The following PCDHGB7 variants were observed in gnomAD, a reference collection of about 807,000 sequenced individuals.
PCDHGB7 encodes protocadherin gamma subfamily B, 7, also known as protocadherin gamma-B7.
A neutral mutation model predicts 61.4 loss-of-function variants in PCDHGB7; 37 were observed. The observed-to-expected ratio is 0.60, with a 90% CI of 0.46 to 0.79. PCDHGB7 has a LOEUF of 0.79. PCDHGB7 is among the 30% of genes least tolerant of loss of function. PCDHGB7 has a pLI of 0.00. For missense variants in PCDHGB7, 1,166 were observed against 1,202.5 expected (o/e 0.97, Z 0.45); for synonymous variants, 464 against 503.5 (o/e 0.92, Z 1.05).
Position 141,431,858 on chromosome 5 carries a change from G to A in PCDHGB7, c.2415+11584G>A, listed in dbSNP as rs1421209596. The A allele has an allele frequency of 1.1e-5, 17 of 1,614,198 alleles. No individual in the cohort carries two copies. Among genetic ancestry groups the A allele is most frequent in the Non-Finnish European group, 1.4e-5 (17 of 1,180,020 alleles). On this transcript the variant is annotated intron_variant, in intron 1 of 3. Coordinates refer to ENST00000398594, the MANE Select transcript of PCDHGB7 (RefSeq NM_018927.4). The surrounding 1 kb of genome is among the most constrained non-coding windows in gnomAD (Gnocchi z 4.8). ...AAACTCTCCCAGAGGGACATTAATTGCCCTTTTAAATGTAAATGACCAAGA... is the reference window on the plus strand; with the variant it reads ...AAACTCTCCCAGAGGGACATTAATTACCCTTTTAAATGTAAATGACCAAGA...
intron 1 of PCDHGB7, chr5:141,441,650 G>C (rs932742795): frequency 8.4e-6 from 2 of 238,510 alleles, no homozygotes; most frequent in African/African-American, 2.4e-5. Context: ...TGTGATTCTA[G>C]GTGTCCTTGA....
Position 141,432,562 on chromosome 5 carries a change from C to G in PCDHGB7, c.2415+12288C>G. On this transcript the variant is annotated intron_variant, in intron 1 of 3. Coordinates refer to ENST00000398594, the MANE Select transcript of PCDHGB7 (RefSeq NM_018927.4). The surrounding 1 kb of genome is among the most constrained non-coding windows in gnomAD (Gnocchi z 6.0). ...CGGTGGACAGAGACTCCGGCCAGAA[C>G]GCCTGGCTGTCCTACCGTCTGCTCA... 1 of 1,613,964 alleles carries G rather than the reference C, an allele frequency of 6.2e-7. No homozygotes were observed. Among genetic ancestry groups the G allele is most frequent in the Non-Finnish European group, 8.5e-7 (1 of 1,180,004 alleles).
intron 1 of PCDHGB7, chr5:141,430,781 C>A: frequency 6.6e-7 from 1 of 1,510,922 alleles, no homozygotes; most frequent in Non-Finnish European, 8.8e-7. Context: ...GCGACTGCAC[C>A]GGGACTACAA....
At position 141,487,385 on chromosome 5, in the gene PCDHGB7, CGAA is replaced by C; in HGVS notation, c.2416-7420_2416-7418del. 6.2e-7 allele frequency: 1 copy of C among 1,614,160 alleles called. No individual in the cohort carries two copies. The highest frequency in any genetic ancestry group is 8.5e-7 in the Non-Finnish European group (1 of 1,180,046). On this transcript the variant is annotated intron_variant, in intron 1 of 3. Coordinates refer to ENST00000398594, the MANE Select transcript of PCDHGB7 (RefSeq NM_018927.4). The surrounding 1 kb of genome is among the most constrained non-coding windows in gnomAD (Gnocchi z 5.0). ...CACCTGTGCCTGTCTCACCAGATCTCGAAGGAGGGAGGGGCTTCCCCCTTCCAA... is the reference window on the plus strand; with the variant it reads ...CACCTGTGCCTGTCTCACCAGATCTCGGAGGGAGGGGCTTCCCCCTTCCAA...
At chr5:141,434,843 G>C (rs1302739038) in intron 1 of PCDHGB7, among the ~76,000 whole-genome samples, 2 of 151,746 alleles carry the variant, frequency 1.3e-5, no homozygotes, top group African/African-American at 4.8e-5. Flanking sequence ...TTATAAAGCA[G>C]ACATCAATAA....
chr5:141,444,920 G>A (rs2098451595), intron 1 of PCDHGB7, among the ~76,000 whole-genome samples: 1 of 152,110 alleles, frequency 6.6e-6, no homozygotes, highest in Non-Finnish European at 1.5e-5. Context: ...ACCTTTATCA[G>A]GGAAAGAGGG....
At chr5:141,443,090 C>T (rs1403922939) in intron 1 of PCDHGB7, among the ~76,000 whole-genome samples, 3 of 151,926 alleles carry the variant, frequency 2.0e-5, no homozygotes, top group Non-Finnish European at 2.9e-5. Context: ...TTCCAGTCTC[C>T]TTCTCAAGCT....
At chr5:141,456,051 C>T (rs1592410743) in intron 1 of PCDHGB7, among the ~76,000 whole-genome samples, 1 of 151,998 alleles carries the variant, frequency 6.6e-6, no homozygotes, top group Non-Finnish European at 1.5e-5. Context: ...GCGCCCACCA[C>T]CACGTCCGGC....
In PCDHGB7 at chr5:141,463,735, C is replaced by T. The variant is rs1411988885; in HGVS notation, c.2416-31072C>T. On this transcript the variant is annotated intron_variant, in intron 1 of 3. Coordinates refer to ENST00000398594, the MANE Select transcript of PCDHGB7 (RefSeq NM_018927.4). ...TGCTGGGATTACAGGCATGAGCCAC[C>T]GCGCCCGGCCTGCTTCTCTTCTCTT... 3.3e-5 allele frequency among the ~76,000 whole-genome samples: 5 copies of T among 152,100 alleles called. No individual in the cohort carries two copies. The East Asian group carries it at 7.8e-4, about 24-fold the overall frequency.
chr5:141,451,716 T>C (rs947058540), intron 1 of PCDHGB7, among the ~76,000 whole-genome samples: 1 of 152,092 alleles, frequency 6.6e-6, no homozygotes, highest in Non-Finnish European at 1.5e-5. Context: ...ACCCTGCCTC[T>C]ACTAAAAATA....
intron 1 of PCDHGB7, among the ~76,000 whole-genome samples, chr5:141,457,029 C>G (rs2098904194): frequency 6.6e-6 from 1 of 152,170 alleles, no homozygotes; most frequent in Non-Finnish European, 1.5e-5. Flanking sequence ...TCCTAGTAGA[C>G]TCAGTGATAG....
At position 141,431,119 on chromosome 5, in the gene PCDHGB7, A is replaced by C. The variant is rs147514897; in HGVS notation, c.2415+10845A>C. 1.2e-6 allele frequency: 2 copies of C among 1,614,134 alleles called. No individual in the cohort carries two copies. The highest frequency in any genetic ancestry group is 2.7e-5 in the African/African-American group (2 of 74,956). ...ATAAAGTGAAAATATATGGAGTAGA[A>C]GTAGAAGTAAGGGACATTAACGACA... On this transcript the variant is annotated intron_variant, in intron 1 of 3. Coordinates refer to ENST00000398594, the MANE Select transcript of PCDHGB7 (RefSeq NM_018927.4). The surrounding 1 kb of genome is among the most constrained non-coding windows in gnomAD (Gnocchi z 4.8).
intron 1 of PCDHGB7, chr5:141,478,597 C>T: frequency 6.4e-7 from 1 of 1,567,010 alleles, no homozygotes; most frequent in Non-Finnish European, 8.7e-7. Flanking sequence ...TTTATTCCTA[C>T]ATCATATTGA....
chr5:141,510,529 A>G (rs2099881539), intron 3 of PCDHGB7, among the ~76,000 whole-genome samples: 2 of 152,242 alleles, frequency 1.3e-5, no homozygotes, highest in Admixed American at 6.5e-5. Flanking sequence ...CCCTGAGAGA[A>G]ATACCAGCGA....
Position 141,512,495 on chromosome 5 carries a change from C to T in PCDHGB7, c.*1322C>T, listed in dbSNP as rs2099884264. 1 of 152,920 alleles carries T rather than the reference C, an allele frequency of 6.5e-6. No homozygotes were observed. The highest frequency in any genetic ancestry group is 1.5e-5 in the Non-Finnish European group (1 of 68,240). The allele number at this position is 152,920 out of a possible 1,614,324, so 9.5% of individuals were successfully genotyped here. A position where few individuals can be genotyped will look rare whatever the true frequency, so the allele number is the denominator to read the frequency against. On this transcript the variant is annotated 3_prime_UTR_variant, in exon 4 of 4. Coordinates refer to ENST00000398594, the MANE Select transcript of PCDHGB7 (RefSeq NM_018927.4). ...TTCCGTGAAGGCCACTGCCCAGGTCCCCAGTGCGCCCCCTAGTGGCCATAG... is the reference window on the plus strand; with the variant it reads ...TTCCGTGAAGGCCACTGCCCAGGTCTCCAGTGCGCCCCCTAGTGGCCATAG...
At chr5:141,443,475 G>T (rs994058112) in intron 1 of PCDHGB7, among the ~76,000 whole-genome samples, 1 of 152,148 alleles carries the variant, frequency 6.6e-6, no homozygotes, top group African/African-American at 2.4e-5. Flanking sequence ...GACAGAATTA[G>T]ACCCTGTCCC....
intron 1 of PCDHGB7, among the ~76,000 whole-genome samples, chr5:141,488,655 G>C (rs1438020338): frequency 6.6e-6 from 1 of 152,164 alleles, no homozygotes. Flanking sequence ...GATGGGGGAG[G>C]GTGGGGGAAT....
At chr5:141,483,487 A>G (rs777951096) in intron 1 of PCDHGB7, among the ~76,000 whole-genome samples, 4 of 152,006 alleles carry the variant, frequency 2.6e-5, no homozygotes, top group Non-Finnish European at 5.9e-5. Context: ...AGTGAGGGAC[A>G]GGGATGAGTC....
intron 2 of PCDHGB7, among the ~76,000 whole-genome samples, chr5:141,495,262 A>G (rs550950979): frequency 1.3e-5 from 2 of 152,246 alleles, no homozygotes; most frequent in South Asian, 2.1e-4. Flanking sequence ...GCAGAAAAGC[A>G]TTTGACCGGA....
Sources: gnomAD v4.1 joint callset for allele counts (sites outside exome capture counted in the v4.1 genomes callset) on GRCh38, gnomAD v4.1.1 for gene constraint, Gnocchi (gnomAD v3.1) non-coding constraint, MANE v1.5 for transcripts, NCBI Gene and HGNC (gene_info 2026-07-23, HGNC 2026-07-21) for gene names.